KIAA0319: variants seen among roughly 807,000 people sequenced by gnomAD.
KIAA0319 encodes the protein KIAA0319.
Under a neutral mutation model 108.4 loss-of-function variants are expected in KIAA0319, and 83 were observed. That is an observed-to-expected ratio of 0.77 (90% CI 0.64 to 0.92). The LOEUF (loss-of-function observed/expected upper bound fraction) is 0.92, where lower values mean the gene tolerates loss of function less well. KIAA0319 is among the 40% of genes least tolerant of loss of function. The pLI is 0.00. For missense variants in KIAA0319, 1,195 were observed against 1,322.4 expected (o/e 0.90, Z 1.49); for synonymous variants, 484 against 510.4 (o/e 0.95, Z 0.70).
intron 1 of KIAA0319, among the ~76,000 whole-genome samples, chr6:24,615,134 C>T (rs1325425560): frequency 2.6e-5 from 4 of 152,118 alleles, no homozygotes; most frequent in Non-Finnish European, 5.9e-5. Context: ...TTACATTATA[C>T]AGCTTTTTTA....
At chr6:24,553,692 C>T (rs1761901454) in intron 19 of KIAA0319, among the ~76,000 whole-genome samples, 1 of 152,200 alleles carries the variant, frequency 6.6e-6, no homozygotes, top group Non-Finnish European at 1.5e-5. Context: ...GGCTTCCCCA[C>T]TCAGCCTGTT....
intron 1 of KIAA0319, among the ~76,000 whole-genome samples, chr6:24,614,731 T>C (rs534926295): frequency 9.2e-5 from 14 of 152,254 alleles, no homozygotes; most frequent in African/African-American, 2.4e-4. Context: ...AAAAAATCAA[T>C]TGGGTTTTCT....
intron 1 of KIAA0319, among the ~76,000 whole-genome samples, chr6:24,619,656 T>C (rs531358452): frequency 6.6e-6 from 1 of 152,104 alleles, no homozygotes; most frequent in South Asian, 2.1e-4. Context: ...GGAAAAGGAA[T>C]GTTCATGCTT....
At chr6:24,541,311 C>G (rs113206568), downstream of KIAA0319, among the ~76,000 whole-genome samples, 2 of 152,268 alleles carry the variant, frequency 1.3e-5, no homozygotes, top group African/African-American at 4.8e-5. Context: ...GCCTGCGTGC[C>G]CCAGATGTCT....
chr6:24,630,997 T>C (rs962087294), intron 1 of KIAA0319, among the ~76,000 whole-genome samples: 4 of 152,202 alleles, frequency 2.6e-5, no homozygotes, highest in Non-Finnish European at 4.4e-5. Flanking sequence ...TCCAAACAGA[T>C]TGTCTGCATA....
At chr6:24,600,034 A>C (rs200489797) in intron 2 of KIAA0319, among the ~76,000 whole-genome samples, 130 of 1,668 alleles carry the variant, frequency 0.078, no homozygotes, top group Middle Eastern at 0.33. Flanking sequence ...CAACTGCCCA[A>C]AAAAAAAAAA....
chr6:24,614,551 C>T (rs564836879), intron 1 of KIAA0319, among the ~76,000 whole-genome samples: 3 of 151,420 alleles, frequency 2.0e-5, no homozygotes, highest in Admixed American at 6.6e-5. Flanking sequence ...TTTAATCCTT[C>T]GGGAAAAAAA....
intron 20 of KIAA0319, among the ~76,000 whole-genome samples, chr6:24,550,499 T>C (rs1761317738): frequency 1.3e-5 from 2 of 152,198 alleles, no homozygotes; most frequent in Admixed American, 1.3e-4. Flanking sequence ...CAACAGTTAA[T>C]AAACGAGAAT....
At chr6:24,597,974 C>A in intron 2 of KIAA0319, 1 of 161,424 alleles carries the variant, frequency 6.2e-6, no homozygotes, top group South Asian at 1.5e-4. Context: ...TCTGCACCGT[C>A]TTGAATCTCC....
At chr6:24,608,209 AAAAT>A (rs954845301) in intron 1 of KIAA0319, among the ~76,000 whole-genome samples, 10 of 152,054 alleles carry the variant, frequency 6.6e-5, no homozygotes, top group African/African-American at 1.7e-4. Flanking sequence ...TACTGAGGAA[AAAAT>A]AAATAAATAA....
chr6:24,579,499 T>C (rs947688801), intron 8 of KIAA0319, among the ~76,000 whole-genome samples: 14 of 146,182 alleles, frequency 9.6e-5, no homozygotes, highest in African/African-American at 3.5e-4. Context: ...ATATCTTATA[T>C]ATCTCATATA....
At position 24,582,230 on chromosome 6, in the gene KIAA0319, C is replaced by A; in HGVS notation, c.1191+19G>T. The A allele has an allele frequency of 7.3e-7, 1 of 1,379,112 alleles. No homozygotes were observed. The highest frequency in any genetic ancestry group is 1.0e-6 in the Non-Finnish European group (1 of 966,160). 85.4% of individuals were successfully genotyped at this position (1,379,112 alleles called of 1,614,324 possible). ...CGTTACGCTGTGCTGTTAGACACAA[C>A]CAGTCTCCAGTTACTTACTTGAGAG... is the stretch of plus-strand genomic sequence containing the variant. On this transcript the variant is annotated intron_variant, in intron 6 of 20. Coordinates refer to ENST00000378214, the MANE Select transcript of KIAA0319 (RefSeq NM_014809.4).
chr6:24,558,961 T>C (rs1762704996), intron 17 of KIAA0319, 52 bp downstream of exon 17: 32 of 1,529,472 alleles, frequency 2.1e-5, no homozygotes, highest in Admixed American at 4.1e-5. Flanking sequence ...TTGTCAAACT[T>C]ATCCATGATT....
chr6:24,600,754 C>CTGGAAAGGCCAGA, intron 2 of KIAA0319: 1 of 1,133,352 alleles, frequency 8.8e-7, no homozygotes, highest in Non-Finnish European at 1.3e-6. Context: ...GGAAGTCTGG[C>CTGGAAAGGCCAGA]CTTTCCAGCC....
At chr6:24,592,517 C>T (rs892738849) in intron 3 of KIAA0319, among the ~76,000 whole-genome samples, 19 of 152,186 alleles carry the variant, frequency 1.2e-4, no homozygotes, top group African/African-American at 4.6e-4. Flanking sequence ...TCTCCTACCT[C>T]CATCTCCCAA....
Position 24,582,250 on chromosome 6 carries a change from TGA to T in KIAA0319, c.1188_1189del (p.Gln397IlefsTer14). Reference sequence around the variant, plus strand: ...CACAACCAGTCTCCAGTTACTTACTTGAGAGAGGTTAAGAGTTTGCTTGTGTC... The same window carrying T: ...CACAACCAGTCTCCAGTTACTTACTTGAGAGGTTAAGAGTTTGCTTGTGTC... On this transcript the variant is annotated frameshift_variant and splice_region_variant, in exon 6 of 21. Transcript: ENST00000378214. LOFTEE classifies it high-confidence loss of function. 1.3e-6 allele frequency: 2 copies of T among 1,547,714 alleles called. No individual in the cohort carries two copies. The highest frequency in any genetic ancestry group is 2.2e-5 in the South Asian group (2 of 89,710).
At chr6:24,548,953 A>C (rs1761029956) in intron 20 of KIAA0319, among the ~76,000 whole-genome samples, 1 of 152,108 alleles carries the variant, frequency 6.6e-6, no homozygotes, top group African/African-American at 2.4e-5. Flanking sequence ...ATGTGTTGAA[A>C]TCTAATGCCT....
intron 1 of KIAA0319, among the ~76,000 whole-genome samples, chr6:24,605,196 C>A (rs4236031): frequency 0.87 from 132,077 of 152,244 alleles, 57,406 homozygotes; most frequent in East Asian, 0.98. Flanking sequence ...AATCCTTCAC[C>A]TATATTATCT....
rs1203105385 is a variant in KIAA0319, at chr6:24,551,524, G to T, written c.2950C>A (p.Gln984Lys). Residue 984 changes from glutamine to lysine, a missense_variant and splice_region_variant, in exon 20 of 21, where the codon CAA becomes AAA. By Grantham distance (53) the Gln-to-Lys change is moderately conservative. Coordinates refer to ENST00000378214, the MANE Select transcript of KIAA0319 (RefSeq NM_014809.4). The stretch of plus-strand genomic sequence containing the variant: ...TTTTTCCTGATTTTAGTCCTTTTTT[G>T]TCTGAAAGGAACAATGAAAAGCTCA... ...TWLCICCCKR[Q>K]KRTKIRKKTK... The T allele has an allele frequency of 1.3e-6, 2 of 1,584,908 alleles. No homozygotes were observed.
Sources: allele counts gnomAD v4.1 joint callset (sites outside exome capture counted in the v4.1 genomes callset), GRCh38; gene constraint gnomAD v4.1.1; transcripts MANE v1.5; gene names NCBI Gene and HGNC (gene_info 2026-07-23, HGNC 2026-07-21).